ERICH6B: variants seen among roughly 807,000 people sequenced by gnomAD.
ERICH6B encodes glutamate rich 6B.
Under a neutral mutation model 80.0 loss-of-function variants are expected in ERICH6B, and 69 were observed. The ratio of observed to expected loss-of-function variants is 0.86; its 90% CI spans 0.71 to 1.05. The LOEUF is 1.05. ERICH6B is among the 50% of genes least tolerant of loss of function. The pLI, the probability that ERICH6B is intolerant of heterozygous loss-of-function variation, is 0.00. For synonymous variants in ERICH6B, 283 were observed against 291.9 expected (o/e 0.97, Z 0.31); for missense variants, 754 against 796.1 (o/e 0.95, Z 0.64).
At chr13:45,567,714 T>C (rs1874977142) in intron 9 of ERICH6B, among the ~76,000 whole-genome samples, 1 of 152,196 alleles carries the variant, frequency 6.6e-6, no homozygotes, top group Non-Finnish European at 1.5e-5. Context: ...ACTAATACAG[T>C]GTACAAATGG....
intron 4 of ERICH6B, among the ~76,000 whole-genome samples, chr13:45,587,966 T>C (rs1253086346): frequency 1.3e-5 from 2 of 152,170 alleles, no homozygotes; most frequent in Non-Finnish European, 2.9e-5. Context: ...AGGTGGTGAC[T>C]ATGGTTGGTA....
At chr13:45,551,047 C>G (rs1406505938) in intron 11 of ERICH6B, among the ~76,000 whole-genome samples, 1 of 152,100 alleles carries the variant, frequency 6.6e-6, no homozygotes, top group Non-Finnish European at 1.5e-5. Context: ...TTTTTGCAAA[C>G]TGTTTTTCTA....
At chr13:45,586,926 A>G in intron 5 of ERICH6B, 137 bp downstream of exon 5, 1 of 964,894 alleles carries the variant, frequency 1.0e-6, no homozygotes, top group Non-Finnish European at 1.5e-6. Flanking sequence ...GAGACCTCAG[A>G]GGGCAACAGA....
Position 45,573,550 on chromosome 13 carries a change from C to T in ERICH6B, c.1050+1292G>A, listed in dbSNP as rs150488611. 4.7e-3 allele frequency among the ~76,000 whole-genome samples: 718 copies of T among 152,208 alleles called. 15 individuals are homozygous for T. The highest frequency in any genetic ancestry group is 2.8e-3 in the Non-Finnish European group (192 of 68,014). On this transcript the variant is annotated intron_variant, in intron 8 of 14. Transcript: ENST00000298738. ...GCTAGACAATTTAGGTAGTTTGAAT[C>T]GAAGTACTTAAAGAAATTAAAAACA... is the stretch of plus-strand genomic sequence containing the variant.
chr13:45,593,038 T>G (rs1876219615), intron 3 of ERICH6B, among the ~76,000 whole-genome samples: 1 of 152,144 alleles, frequency 6.6e-6, no homozygotes, highest in African/African-American at 2.4e-5. Context: ...ATGTTGTGCA[T>G]CCAAAATCTG....
At chr13:45,567,325 G>A (rs997234376) in intron 9 of ERICH6B, among the ~76,000 whole-genome samples, 2 of 152,176 alleles carry the variant, frequency 1.3e-5, no homozygotes, top group African/African-American at 4.8e-5. Context: ...AGGCATGATT[G>A]GTTTTGAAAT....
intron 14 of ERICH6B, among the ~76,000 whole-genome samples, chr13:45,542,434 G>A (rs1434818523): frequency 6.6e-6 from 1 of 152,198 alleles, no homozygotes; most frequent in Non-Finnish European, 1.5e-5. Context: ...CCTGTGCCAG[G>A]CTCTGTCTCA....
intron 2 of ERICH6B, among the ~76,000 whole-genome samples, chr13:45,603,330 T>C (rs868533703): frequency 1.3e-5 from 2 of 152,200 alleles, no homozygotes; most frequent in Non-Finnish European, 2.9e-5. Context: ...CTCCCTTAGT[T>C]CAGTCAAATT....
At chr13:45,574,997 T>A in intron 7 of ERICH6B, 67 bp from the exon 8 acceptor site, 1 of 1,045,920 alleles carries the variant, frequency 9.6e-7, no homozygotes, top group Non-Finnish European at 1.4e-6. Flanking sequence ...CATAAAAAAT[T>A]TAAAAAGAAT....
intron 2 of ERICH6B, among the ~76,000 whole-genome samples, chr13:45,600,670 G>A (rs758510800): frequency 9.9e-5 from 15 of 152,194 alleles, no homozygotes; most frequent in African/African-American, 1.4e-4. Flanking sequence ...ATGTTGTTGC[G>A]GAAGACACGA....
Position 45,561,451 on chromosome 13 carries a change from T to G in ERICH6B, c.1325A>C (p.Glu442Ala). 1 of 1,552,286 alleles carries G rather than the reference T, an allele frequency of 6.4e-7. No individual in the cohort carries two copies. The highest frequency in any genetic ancestry group is 1.2e-5 in the South Asian group (1 of 84,066). The change falls in exon 11 of 15, where the codon GAA becomes GCA. Residue 442 changes from glutamate to alanine, a missense_variant. Transcript: ENST00000298738. Reference sequence around the variant, plus strand: ...AACACGTTGAGGCTTTTGGATTTCTTCTGTCTCAGGCTTCTCAGGTGTTGG... The same window carrying G: ...AACACGTTGAGGCTTTTGGATTTCTGCTGTCTCAGGCTTCTCAGGTGTTGG... ...SKPTPEKPETEEIQKPQRVVH... is the reference protein window; with the variant it reads ...SKPTPEKPETAEIQKPQRVVH...
intron 8 of ERICH6B, among the ~76,000 whole-genome samples, chr13:45,568,734 T>G (rs895313623): frequency 6.6e-6 from 1 of 152,142 alleles, no homozygotes; most frequent in Non-Finnish European, 1.5e-5. Flanking sequence ...ATTTAAAAGT[T>G]GAAGATAAAA....
At chr13:45,560,427 T>G (rs1874622325) in intron 11 of ERICH6B, among the ~76,000 whole-genome samples, 1 of 152,154 alleles carries the variant, frequency 6.6e-6, no homozygotes, top group Admixed American at 6.5e-5. Flanking sequence ...CTGAGAGTGG[T>G]ACATTTGTTA....
chr13:45,601,602 G>A (rs1445438904), intron 2 of ERICH6B, among the ~76,000 whole-genome samples: 1 of 152,170 alleles, frequency 6.6e-6, no homozygotes, highest in Non-Finnish European at 1.5e-5. Flanking sequence ...GGATAGCCCA[G>A]AGGAGCATTT....
chr13:45,589,368 A>G (rs911989218), intron 4 of ERICH6B, among the ~76,000 whole-genome samples: 1 of 152,206 alleles, frequency 6.6e-6, no homozygotes, highest in African/African-American at 2.4e-5. Flanking sequence ...TATGTTTGGA[A>G]TAAAGCTGAC....
At chr13:45,549,834 GC>G in intron 13 of ERICH6B, 58 bp downstream of exon 13, 2 of 1,510,056 alleles carry the variant, frequency 1.3e-6, no homozygotes, top group Non-Finnish European at 8.9e-7. Flanking sequence ...TGGGAGTCAC[GC>G]TTTTTCCAGC....
intron 13 of ERICH6B, 55 bp downstream of exon 13, chr13:45,549,838 T>A (rs1176256985): frequency 6.6e-7 from 1 of 1,521,220 alleles, no homozygotes; most frequent in Admixed American, 2.0e-5. Flanking sequence ...AGTCACGCTT[T>A]TTCCAGCTGC....
At chr13:45,604,877 G>A (rs1241608353) in intron 2 of ERICH6B, among the ~76,000 whole-genome samples, 2 of 152,168 alleles carry the variant, frequency 1.3e-5, no homozygotes. Flanking sequence ...AGTGAGTTGA[G>A]ATCAGCCACT....
intron 13 of ERICH6B, among the ~76,000 whole-genome samples, chr13:45,545,443 C>T (rs537112223): frequency 6.6e-6 from 1 of 152,138 alleles, no homozygotes; most frequent in African/African-American, 2.4e-5. Flanking sequence ...TCTCATTGTT[C>T]ACTGTATTAT....
Sources: allele counts gnomAD v4.1 joint callset (sites outside exome capture counted in the v4.1 genomes callset), GRCh38; gene constraint gnomAD v4.1.1; transcripts MANE v1.5; gene names NCBI Gene and HGNC (gene_info 2026-07-23, HGNC 2026-07-21).